Variants in MAP4K3 observed in about 807,000 individuals in gnomAD.
MAP4K3 encodes the protein MAPK/ERK kinase kinase kinase 3.
MAP4K3 carries 94 observed loss-of-function variants against 143.5 expected under a neutral mutation model. The ratio of observed to expected loss-of-function variants is 0.65; its 90% CI spans 0.55 to 0.78. The LOEUF is 0.78. Ranked by LOEUF, MAP4K3 falls within the 30% of genes least tolerant of loss-of-function variation. The pLI is 0.00. For missense variants in MAP4K3, 1,077 were observed against 1,068.1 expected, an observed-to-expected ratio of 1.01 and a Z score of -0.12; for synonymous variants, 416 against 347.2, an observed-to-expected ratio of 1.20 and a Z score of -2.20.
At chr2:39,393,493 A>C (rs1029348702) in intron 1 of MAP4K3, among the ~76,000 whole-genome samples, 1 of 152,242 alleles carries the variant, frequency 6.6e-6, no homozygotes. Flanking sequence ...ATTTTTTAAA[A>C]AAAGCTATGT....
intron 24 of MAP4K3, among the ~76,000 whole-genome samples, chr2:39,274,736 G>C (rs1233913822): frequency 6.6e-6 from 1 of 152,120 alleles, no homozygotes; most frequent in African/African-American, 2.4e-5. Context: ...CTCTGTCTCA[G>C]TGTTCTTATC....
At chr2:39,412,918 C>T (rs745431302) in intron 1 of MAP4K3, among the ~76,000 whole-genome samples, 1 of 152,024 alleles carries the variant, frequency 6.6e-6, no homozygotes, top group Non-Finnish European at 1.5e-5. Context: ...ACTTGGTCAT[C>T]TGACCAAATA....
At chr2:39,338,981 C>G (rs1426577792) in intron 4 of MAP4K3, among the ~76,000 whole-genome samples, 2 of 152,196 alleles carry the variant, frequency 1.3e-5, no homozygotes, top group East Asian at 3.8e-4. Context: ...TATAGCAGCA[C>G]AAACAGAGCA....
Position 39,369,205 on chromosome 2 carries a change from G to GTTTTTTTTTTGTTTTT in MAP4K3, c.154+8860_154+8861insAAAAACAAAAAAAAAA, listed in dbSNP as rs68013609. On this transcript the variant is annotated intron_variant, in intron 2 of 33. Coordinates refer to ENST00000263881, the MANE Select transcript of MAP4K3 (RefSeq NM_003618.4). ...AACCTTTGGGCTAGTTTTTTTTTTT[G>GTTTTTTTTTTGTTTTT]TTTTTTTTGAGATGCAGTTTTGCTC... Among the ~76,000 whole-genome samples the GTTTTTTTTTTGTTTTT allele has an allele frequency of 9.9e-3, 1,247 of 125,352 alleles. 23 individuals are homozygous for GTTTTTTTTTTGTTTTT. The highest frequency in any genetic ancestry group is 0.019 in the Admixed American group (218 of 11,570). 82.2% of individuals were successfully genotyped at this position (125,352 alleles called of 152,430 possible).
At chr2:39,267,527 GC>G in intron 26 of MAP4K3, 1 of 301,372 alleles carries the variant, frequency 3.3e-6, no homozygotes, top group South Asian at 3.6e-5. Context: ...AAAAAAATTA[GC>G]CAGGCATGGT....
Position 39,341,463 on chromosome 2 carries a change from C to CCTGGCCAATATGGTGAAACTCCATACAG in MAP4K3, c.310+1924_310+1925insCTGTATGGAGTTTCACCATATTGGCCAG, listed in dbSNP as rs1264884239. The stretch of plus-strand genomic sequence containing the variant: ...CACAAGGTCAGGAGTTCAAGACCAG[C>CCTGGCCAATATGGTGAAACTCCATACAG]CTGGCCAATATGGTGAAACTCCATC... On this transcript the variant is annotated intron_variant, in intron 4 of 33. Transcript: ENST00000263881. Among the ~76,000 whole-genome samples, 126 of 152,032 alleles carry CCTGGCCAATATGGTGAAACTCCATACAG rather than the reference C, an allele frequency of 8.3e-4. 1 individual carries two copies. Among genetic ancestry groups the CCTGGCCAATATGGTGAAACTCCATACAG allele is most frequent in the Admixed American group, 2.2e-3 (34 of 15,250 alleles).
At chr2:39,299,690 G>C (rs1448241732) in intron 16 of MAP4K3, 53 bp downstream of exon 16, 1 of 960,394 alleles carries the variant, frequency 1.0e-6, no homozygotes, top group Non-Finnish European at 1.5e-6. Context: ...TAATATTAAA[G>C]GCAACTTAAT....
intron 23 of MAP4K3, among the ~76,000 whole-genome samples, chr2:39,280,066 C>T (rs759548928): frequency 1.3e-5 from 2 of 152,062 alleles, no homozygotes; most frequent in African/African-American, 4.8e-5. Flanking sequence ...GATATGGTAA[C>T]TATACAGTGA....
chr2:39,356,173 A>G, intron 3 of MAP4K3, 76 bp downstream of exon 3: 1 of 849,720 alleles, frequency 1.2e-6, no homozygotes, highest in African/African-American at 1.7e-5. Flanking sequence ...CATGGTATTA[A>G]AACTAACTTT....
chr2:39,310,582 G>A (rs6718134), intron 13 of MAP4K3, among the ~76,000 whole-genome samples: 133,917 of 151,972 alleles, frequency 0.88, 59,171 homozygotes, highest in Non-Finnish European at 0.91. Flanking sequence ...AGATATACTG[G>A]TATCCTTTCT....
chr2:39,312,843 C>A (rs1291419589), intron 13 of MAP4K3, among the ~76,000 whole-genome samples: 1 of 152,218 alleles, frequency 6.6e-6, no homozygotes. Context: ...AAAATGCGGT[C>A]TGTAATAAAA....
chr2:39,348,941 T>G (rs969304525), intron 3 of MAP4K3, among the ~76,000 whole-genome samples: 4 of 152,294 alleles, frequency 2.6e-5, no homozygotes, highest in South Asian at 2.1e-4. Flanking sequence ...ATTTATATAT[T>G]TTTCTCAAAT....
At chr2:39,330,452 T>C (rs1043413176) in intron 8 of MAP4K3, among the ~76,000 whole-genome samples, 4 of 152,164 alleles carry the variant, frequency 2.6e-5, no homozygotes, top group African/African-American at 9.7e-5. Flanking sequence ...GTTATTAAAA[T>C]GTGTTTCACA....
rs147650783 is a variant in MAP4K3 at position 39,263,997 on chromosome 2, C to T, written c.2136+1206G>A. ...CCAGGTTAATCAGTATATCAGTATA[C>T]AAGAATAACTGATATGATGAAACAT... On this transcript the variant is annotated intron_variant, in intron 28 of 33. Transcript: ENST00000263881. 2.6e-3 allele frequency among the ~76,000 whole-genome samples: 401 copies of T among 151,900 alleles called. 1 individual carries two copies. Among genetic ancestry groups the T allele is most frequent in the African/African-American group, 8.9e-3 (369 of 41,406 alleles).
intron 19 of MAP4K3, among the ~76,000 whole-genome samples, chr2:39,288,652 GTTCAGCTCCGTATCAAGGCT>G (rs1388852988): frequency 2.6e-5 from 4 of 152,120 alleles, no homozygotes; most frequent in Non-Finnish European, 5.9e-5. Context: ...ACTAGTCAAA[GTTCAGCTCCGTATCAAGGCT>G]AATCTAAGCT....
intron 1 of MAP4K3, among the ~76,000 whole-genome samples, chr2:39,388,563 G>C (rs945404993): frequency 6.6e-6 from 1 of 152,162 alleles, no homozygotes; most frequent in African/African-American, 2.4e-5. Context: ...AGCTGAAATT[G>C]GGACCACTGC....
intron 1 of MAP4K3, among the ~76,000 whole-genome samples, chr2:39,430,037 C>G (rs1451612934): frequency 2.0e-5 from 3 of 152,134 alleles, no homozygotes; most frequent in Non-Finnish European, 2.9e-5. Context: ...GTATTTATGA[C>G]TGGCTGGGAA....
chr2:39,299,760 G>A lies in MAP4K3; in HGVS notation c.1161C>T (p.Tyr387=). ...LEYGQGHQGG[Y]FLGANKSLLK... ...TTACTTACTTGTTTGCACCTAAAAA[G>A]TAACCACCTTGGTGTCCTTGTCCAT... is the stretch of plus-strand genomic sequence containing the variant. Residue 387 remains tyrosine (Y), a synonymous_variant, in exon 16 of 34, where the codon TAC becomes TAT. Coordinates refer to ENST00000263881, the MANE Select transcript of MAP4K3 (RefSeq NM_003618.4). The A allele has an allele frequency of 2.5e-6, 4 of 1,573,326 alleles. No individual in the cohort carries two copies. The highest frequency in any genetic ancestry group is 3.4e-6 in the Non-Finnish European group (4 of 1,162,102).
At chr2:39,364,534 G>C (rs780590265) in intron 2 of MAP4K3, among the ~76,000 whole-genome samples, 12 of 152,160 alleles carry the variant, frequency 7.9e-5, no homozygotes, top group Non-Finnish European at 1.5e-4. Flanking sequence ...CAAAGTGGTT[G>C]GTTTTACACA....
Sources: gnomAD v4.1 joint callset for allele counts (sites outside exome capture counted in the v4.1 genomes callset) on GRCh38, gnomAD v4.1.1 for gene constraint, MANE v1.5 for transcripts, NCBI Gene and HGNC (gene_info 2026-07-23, HGNC 2026-07-21) for gene names.